SNTG2: variants seen among roughly 807,000 people sequenced by gnomAD.
SNTG2 encodes syntrophin gamma 2.
A neutral mutation model predicts 70.9 loss-of-function variants in SNTG2; 74 were observed. The ratio of observed to expected loss-of-function variants is 1.04; its 90% CI spans 0.86 to 1.27. SNTG2 has a LOEUF of 1.27. Among genes scored for constraint, SNTG2 ranks in the 50% most tolerant of loss-of-function variants. The pLI, the probability that SNTG2 is intolerant of heterozygous loss-of-function variation, is 0.00. For synonymous variants in SNTG2, 278 were observed against 273.8 expected, an observed-to-expected ratio of 1.02 and a Z score of -0.15; for missense variants, 717 against 690.7, an observed-to-expected ratio of 1.04 and a Z score of -0.43.
In SNTG2 at chr2:1,261,546, C is replaced by T. The variant is rs187311298; in HGVS notation, c.1077+2105C>T. Among the ~76,000 whole-genome samples, 43 of 152,228 alleles carry T rather than the reference C, an allele frequency of 2.8e-4. No homozygotes were observed. In the East Asian group the frequency reaches 8.1e-3, roughly 29 times the overall value. On this transcript the variant is annotated intron_variant, in intron 13 of 16. Transcript: ENST00000308624. ...TGCACCAATCAGCCTTGATTGCAGT[C>T]GTGAGAGAAATGATAAACAGCTTTC...
chr2:1,207,476 C>T lies in SNTG2; in HGVS notation c.592-1627C>T, dbSNP rs140468065. Among the ~76,000 whole-genome samples, 974 of 152,278 alleles carry T rather than the reference C, an allele frequency of 6.4e-3. 7 individuals are homozygous for T. Among genetic ancestry groups the T allele is most frequent in the African/African-American group, 0.022 (906 of 41,554 alleles). On this transcript the variant is annotated intron_variant, in intron 8 of 16. Transcript: ENST00000308624. ...TGGCGATGCCGCCTCTTCTGTATGA[C>T]GCTCCAACCTCCCTCAGTGTCCATT...
At chr2:956,123 C>T (rs1660138048) in intron 1 of SNTG2, among the ~76,000 whole-genome samples, 1 of 123,842 alleles carries the variant, frequency 8.1e-6, no homozygotes, top group African/African-American at 3.8e-5. Context: ...CTGCCCCTGC[C>T]CATGCCCTGC....
intron 8 of SNTG2, among the ~76,000 whole-genome samples, chr2:1,178,170 T>C (rs908737609): frequency 6.6e-6 from 1 of 152,180 alleles, no homozygotes; most frequent in East Asian, 1.9e-4. Context: ...GAGTTGACCA[T>C]TGGGCTCTCT....
chr2:1,236,368 G>A (rs1309343560), intron 9 of SNTG2, among the ~76,000 whole-genome samples: 2 of 152,228 alleles, frequency 1.3e-5, no homozygotes, highest in Admixed American at 6.5e-5. Flanking sequence ...GATCCTGAGG[G>A]ACAGGTGCTC....
chr2:1,134,141 C>G (rs895434621), intron 4 of SNTG2, among the ~76,000 whole-genome samples: 3 of 152,066 alleles, frequency 2.0e-5, no homozygotes, highest in Admixed American at 1.3e-4. Context: ...AAGCTGGAGA[C>G]CTTTGCGGTG....
chr2:1,161,878 T>G (rs1490042509), intron 6 of SNTG2, among the ~76,000 whole-genome samples: 1 of 151,982 alleles, frequency 6.6e-6, no homozygotes, highest in Non-Finnish European at 1.5e-5. Context: ...ATCGAGACCA[T>G]CCTGGCTAAC....
chr2:1,025,800 A>G (rs990957344), intron 1 of SNTG2, among the ~76,000 whole-genome samples: 1 of 152,196 alleles, frequency 6.6e-6, no homozygotes, highest in Non-Finnish European at 1.5e-5. Flanking sequence ...TCCCCCTGCT[A>G]TGTGACATTC....
chr2:1,147,901 A>G (rs977289257), intron 6 of SNTG2, among the ~76,000 whole-genome samples: 1 of 152,240 alleles, frequency 6.6e-6, no homozygotes, highest in African/African-American at 2.4e-5. Flanking sequence ...AGTATATGCA[A>G]TTTTCAGAGG....
At chr2:1,132,221 G>T (rs575492477) in intron 4 of SNTG2, among the ~76,000 whole-genome samples, 13 of 132,404 alleles carry the variant, frequency 9.8e-5, no homozygotes, top group African/African-American at 3.3e-4. Context: ...GTATATATAT[G>T]TGTATATATG....
At chr2:1,101,366 A>G (rs1665770922) in intron 4 of SNTG2, among the ~76,000 whole-genome samples, 1 of 152,234 alleles carries the variant, frequency 6.6e-6, no homozygotes, top group Non-Finnish European at 1.5e-5. Flanking sequence ...CCATTTCATC[A>G]GCTGTGCCAG....
chr2:1,135,187 C>G (rs1029160292), intron 4 of SNTG2, among the ~76,000 whole-genome samples: 1 of 152,174 alleles, frequency 6.6e-6, no homozygotes, highest in Non-Finnish European at 1.5e-5. Context: ...CAGCTCCATT[C>G]TGAAAACTCT....
chr2:965,533 G>A (rs546596288), intron 1 of SNTG2, among the ~76,000 whole-genome samples: 1 of 143,976 alleles, frequency 6.9e-6, no homozygotes, highest in East Asian at 2.2e-4. Flanking sequence ...CTGGCCTCTC[G>A]GTCCTCCTCC....
At chr2:1,276,378 G>A (rs1313077932) in intron 14 of SNTG2, among the ~76,000 whole-genome samples, 1 of 152,178 alleles carries the variant, frequency 6.6e-6, no homozygotes, top group East Asian at 1.9e-4. Context: ...AAGTTGAAGT[G>A]AAGCTTCATT....
intron 7 of SNTG2, among the ~76,000 whole-genome samples, chr2:1,170,091 A>C (rs1671025441): frequency 6.6e-6 from 1 of 152,152 alleles, no homozygotes; most frequent in Admixed American, 6.5e-5. Context: ...GGGGAAAGAG[A>C]GTATCACGGC....
intron 6 of SNTG2, among the ~76,000 whole-genome samples, chr2:1,150,906 A>G (rs891683590): frequency 3.4e-4 from 19 of 55,202 alleles, no homozygotes; most frequent in African/African-American, 1.2e-3. Context: ...CAGAGCAGCC[A>G]TGCGGCTGCT....
intron 8 of SNTG2, among the ~76,000 whole-genome samples, chr2:1,179,662 G>A (rs1239843146): frequency 4.0e-5 from 6 of 151,798 alleles, no homozygotes; most frequent in Non-Finnish European, 5.9e-5. Flanking sequence ...TATAGATTCA[G>A]TGCCATCCCC....
intron 1 of SNTG2, among the ~76,000 whole-genome samples, chr2:1,066,749 A>G (rs1343171940): frequency 3.3e-5 from 5 of 152,052 alleles, no homozygotes; most frequent in African/African-American, 1.2e-4. Context: ...CTCCTGGGGC[A>G]CCCACTTATC....
intron 14 of SNTG2, among the ~76,000 whole-genome samples, chr2:1,281,239 G>T (rs72770652): frequency 0.13 from 67 of 526 alleles, 9 homozygotes; most frequent in Middle Eastern, 0.33. Flanking sequence ...ATGTGGTGTG[G>T]TGTGTGGTGT....
intron 4 of SNTG2, among the ~76,000 whole-genome samples, chr2:1,113,589 C>G (rs1414203389): frequency 6.6e-6 from 1 of 150,788 alleles, no homozygotes; most frequent in Non-Finnish European, 1.5e-5. Context: ...GAGGTTTAAC[C>G]CTTACAGTAC....
Sources: allele counts gnomAD v4.1 joint callset (sites outside exome capture counted in the v4.1 genomes callset), GRCh38; gene constraint gnomAD v4.1.1; transcripts MANE v1.5; gene names NCBI Gene and HGNC (gene_info 2026-07-23, HGNC 2026-07-21).